The following SLIT1 variants were observed in gnomAD, a reference collection of about 807,000 sequenced individuals.
The protein encoded by SLIT1 is slit homolog 1 protein.
In SLIT1, 66 loss-of-function variants were observed where a neutral mutation model predicts 186.1. The observed-to-expected ratio is 0.35, with a 90% CI of 0.29 to 0.44. SLIT1 has a LOEUF of 0.44. Among genes scored for constraint, SLIT1 ranks in the 20% least tolerant of loss-of-function variants. The probability of loss-of-function intolerance (pLI) is 1.00; values close to 1 mark genes in which losing one functional copy is unlikely to be tolerated. For missense variants in SLIT1, 1,638 were observed against 2,037.4 expected (o/e 0.80, Z 3.77); for synonymous variants, 761 against 833.8 (o/e 0.91, Z 1.50).
Position 97,043,291 on chromosome 10 carries a change from T to C in SLIT1, c.1997+79A>G. 1 of 1,566,658 alleles carries C rather than the reference T, an allele frequency of 6.4e-7. No homozygotes were observed. Among genetic ancestry groups the C allele is most frequent in the Non-Finnish European group, 8.8e-7 (1 of 1,142,792 alleles). Reference sequence around the variant, plus strand: ...AAGACCCAGCACCCCCAGGGTGAGCTCTTTCAAAGTGGCTGGCCGAGACGG... The same window carrying C: ...AAGACCCAGCACCCCCAGGGTGAGCCCTTTCAAAGTGGCTGGCCGAGACGG... On this transcript the variant is annotated intron_variant, in intron 19 of 36. Coordinates refer to ENST00000266058, the MANE Select transcript of SLIT1 (RefSeq NM_003061.3). This position sits in a 1 kb window ranked among gnomAD's most constrained non-coding sequence, Gnocchi z 7.0.
intron 1 of SLIT1, among the ~76,000 whole-genome samples, chr10:97,182,599 G>T (rs1850353393): frequency 6.6e-6 from 1 of 152,242 alleles, no homozygotes; most frequent in East Asian, 1.9e-4. Flanking sequence ...GCAAAGATCA[G>T]ACCTGCTCCA....
chr10:97,060,610 GC>G, intron 9 of SLIT1, 29 bp downstream of exon 9: 1 of 1,611,410 alleles, frequency 6.2e-7, no homozygotes, highest in Non-Finnish European at 8.5e-7. Flanking sequence ...AAAGGGCTGT[GC>G]CCCAGCATCT....
chr10:97,176,200 C>T (rs181707804), intron 1 of SLIT1, among the ~76,000 whole-genome samples: 3 of 152,178 alleles, frequency 2.0e-5, no homozygotes, highest in African/African-American at 7.2e-5. Flanking sequence ...ACCTTCTCCT[C>T]ACCTGCAAAG....
intron 4 of SLIT1, among the ~76,000 whole-genome samples, chr10:97,091,149 G>A (rs1205692201): frequency 6.6e-6 from 1 of 152,254 alleles, no homozygotes; most frequent in Non-Finnish European, 1.5e-5. Flanking sequence ...CAAGTGCTAT[G>A]GATTCAAAGC....
At chr10:97,090,326 C>A (rs1412716084) in intron 4 of SLIT1, among the ~76,000 whole-genome samples, 2 of 152,144 alleles carry the variant, frequency 1.3e-5, no homozygotes, top group Non-Finnish European at 2.9e-5. Flanking sequence ...AGCAAGCAGC[C>A]AAGCAGAGTC....
At chr10:97,074,246 T>A (rs1396434116) in intron 4 of SLIT1, among the ~76,000 whole-genome samples, 2 of 152,190 alleles carry the variant, frequency 1.3e-5, no homozygotes. Context: ...CTTAGTAATT[T>A]TTAGCTGAAT....
At chr10:97,143,357 T>A (rs1444761914) in intron 4 of SLIT1, among the ~76,000 whole-genome samples, 1 of 152,218 alleles carries the variant, frequency 6.6e-6, no homozygotes, top group Non-Finnish European at 1.5e-5. Flanking sequence ...GAGGACATGA[T>A]GTTAAGTGAA....
chr10:97,042,334 TG>T (rs1454502128), intron 20 of SLIT1, among the ~76,000 whole-genome samples: 3 of 152,028 alleles, frequency 2.0e-5, no homozygotes, highest in Non-Finnish European at 4.4e-5. Context: ...ACACTAAGGA[TG>T]GGATGGCTGC....
chr10:97,171,212 A>G (rs1850183701), intron 1 of SLIT1, among the ~76,000 whole-genome samples: 1 of 152,120 alleles, frequency 6.6e-6, no homozygotes, highest in Non-Finnish European at 1.5e-5. Flanking sequence ...CGGAGGAAAG[A>G]AAGAACTTCT....
At chr10:97,123,486 CA>C (rs1471400890) in intron 4 of SLIT1, among the ~76,000 whole-genome samples, 4 of 152,020 alleles carry the variant, frequency 2.6e-5, no homozygotes, top group African/African-American at 9.7e-5. Context: ...CAATGCTAGG[CA>C]AATTTGGAGA....
intron 4 of SLIT1, among the ~76,000 whole-genome samples, chr10:97,129,157 T>A (rs1849630378): frequency 6.6e-6 from 1 of 152,034 alleles, no homozygotes; most frequent in African/African-American, 2.4e-5. Flanking sequence ...ATCCCAACAC[T>A]TTGGGAGACC....
chr10:97,067,640 G>A (rs559159544), intron 4 of SLIT1, among the ~76,000 whole-genome samples: 4 of 152,258 alleles, frequency 2.6e-5, no homozygotes, highest in Admixed American at 6.5e-5. Flanking sequence ...CTGCCATTGC[G>A]CCCATTTCAC....
chr10:97,012,367 A>C (rs1001137565), intron 30 of SLIT1, among the ~76,000 whole-genome samples: 2 of 152,190 alleles, frequency 1.3e-5, no homozygotes, highest in African/African-American at 4.8e-5. Context: ...TAATGACTAT[A>C]TACTGGATAT....
At chr10:97,129,219 T>C (rs927026988) in intron 4 of SLIT1, among the ~76,000 whole-genome samples, 1 of 152,028 alleles carries the variant, frequency 6.6e-6, no homozygotes, top group Non-Finnish European at 1.5e-5. Flanking sequence ...CTGAGCAACA[T>C]AGCGAAACCC....
chr10:97,100,618 G>T (rs1849341344), intron 4 of SLIT1, among the ~76,000 whole-genome samples: 1 of 138,374 alleles, frequency 7.2e-6, no homozygotes, highest in Non-Finnish European at 1.6e-5. Context: ...CTGGGCAACA[G>T]CGAGACTCTG....
chr10:97,113,744 G>A (rs993787420), intron 4 of SLIT1, among the ~76,000 whole-genome samples: 1 of 151,662 alleles, frequency 6.6e-6, no homozygotes, highest in Non-Finnish European at 1.5e-5. Context: ...TAGAGACAGG[G>A]TTTCTCCATG....
At position 97,064,853 on chromosome 10, in the gene SLIT1, C is replaced by T. The variant is rs1290165190; in HGVS notation, c.509G>A (p.Ser170Asn). The T allele has an allele frequency of 2.5e-6, 4 of 1,612,726 alleles. No homozygotes were observed. Among genetic ancestry groups the T allele is most frequent in the Non-Finnish European group, 2.5e-6 (3 of 1,179,358 alleles). Residue 170 changes from serine (S) to asparagine (N), a missense_variant, in exon 6 of 37, where the codon AGC becomes AAC. By Grantham distance (46) the Ser-to-Asn change is conservative. Around this residue, in one of 3 missense-constraint regions of SLIT1, gnomAD observed 1,245 missense variants for 1,535.3 expected, o/e 0.81. Transcript: ENST00000266058. ...ACGGAAGGCCCCTTCCTCAATGCAG[C>T]TGATCTGGTTCTTGTCCAGCTGTCT... ...KNLQLDKNQI[S>N]CIEEGAFRAL...
chr10:97,088,213 T>A (rs901970006), intron 4 of SLIT1, among the ~76,000 whole-genome samples: 6 of 151,814 alleles, frequency 4.0e-5, no homozygotes, highest in African/African-American at 1.5e-4. Flanking sequence ...TTGAGAGCCC[T>A]CATTCTACAC....
chr10:97,166,577 A>C lies in SLIT1; in HGVS notation c.198-1687T>G, dbSNP rs200982021. Among the ~76,000 whole-genome samples the C allele has an allele frequency of 6.4e-5, 3 of 47,046 alleles. No individual in the cohort carries two copies. In the East Asian group the frequency reaches 1.9e-3, roughly 29 times the overall value. The allele number at this position is 47,046 out of a possible 152,430, so 30.9% of individuals were successfully genotyped here. A position where few individuals can be genotyped will look rare whatever the true frequency, so the allele number is the denominator to read the frequency against. On this transcript the variant is annotated intron_variant, in intron 1 of 36. Coordinates refer to ENST00000266058, the MANE Select transcript of SLIT1 (RefSeq NM_003061.3). ...AAGGAAAGAGAGAGAGAGAGAAAGA[A>C]AGAAAGAAAGAAAGAAAGAAAGAAA...
Sources: gnomAD v4.1 joint callset for allele counts (sites outside exome capture counted in the v4.1 genomes callset) on GRCh38, gnomAD v4.1.1 for gene constraint, gnomAD v4.1.1 regional missense constraint, Gnocchi (gnomAD v3.1) non-coding constraint, MANE v1.5 for transcripts, NCBI Gene and HGNC (gene_info 2026-07-23, HGNC 2026-07-21) for gene names.